Variants in NYAP2 observed in about 807,000 individuals in gnomAD.
NYAP2 encodes the protein neuronal tyrosine-phosphorylated phosphoinositide-3-kinase adaptor 2.
Under a neutral mutation model 50.4 loss-of-function variants are expected in NYAP2, and 23 were observed. The observed-to-expected ratio is 0.46, with a 90% CI of 0.33 to 0.65. The LOEUF is 0.65. Ranked by LOEUF, NYAP2 falls within the 30% of genes least tolerant of loss-of-function variation. The pLI is 0.02. For synonymous variants in NYAP2, 394 were observed against 365.2 expected (o/e 1.08, Z -0.90); for missense variants, 885 against 861.0 (o/e 1.03, Z -0.35).
At chr2:225,685,536 C>T in the NYAP2 span, among the ~76,000 whole-genome samples, 1 of 152,102 alleles carries the variant, frequency 6.6e-6, no homozygotes, top group Non-Finnish European at 1.5e-5. Flanking sequence ...AAACAATTAG[C>T]TTAATCAATT....
chr2:225,595,916 T>A (rs1692589081), intron 5 of NYAP2, among the ~76,000 whole-genome samples: 1 of 152,218 alleles, frequency 6.6e-6, no homozygotes, highest in African/African-American at 2.4e-5. Flanking sequence ...ACCCCAGAGT[T>A]ACATGAGGCT....
chr2:225,479,750 A>G (rs1333149699), intron 3 of NYAP2, among the ~76,000 whole-genome samples: 1 of 152,106 alleles, frequency 6.6e-6, no homozygotes, highest in Non-Finnish European at 1.5e-5. Flanking sequence ...GACAAACTTC[A>G]GACGATTCAG....
the NYAP2 span, among the ~76,000 whole-genome samples, chr2:225,687,115 G>A: frequency 6.6e-6 from 1 of 152,106 alleles, no homozygotes; most frequent in South Asian, 2.1e-4. Context: ...GATATATTTA[G>A]TCTTGAATTG....
At chr2:225,600,114 G>T (rs950811848) in intron 5 of NYAP2, among the ~76,000 whole-genome samples, 3 of 152,126 alleles carry the variant, frequency 2.0e-5, no homozygotes, top group Admixed American at 6.6e-5. Flanking sequence ...CAGGGATAGG[G>T]GTTTTTCAGG....
intron 3 of NYAP2, among the ~76,000 whole-genome samples, chr2:225,491,176 G>T (rs942255650): frequency 1.3e-5 from 2 of 152,178 alleles, no homozygotes; most frequent in Non-Finnish European, 2.9e-5. Context: ...GCTACAGAAG[G>T]GGAATTGCCT....
the NYAP2 span, among the ~76,000 whole-genome samples, chr2:225,667,625 T>C: frequency 5.9e-5 from 9 of 152,156 alleles, no homozygotes; most frequent in Admixed American, 2.0e-4. Flanking sequence ...TCTGATTCCC[T>C]GAGATCATCT....
rs776580178 is a variant in NYAP2 at position 225,512,839 on chromosome 2, T to C, written c.222-532T>C. ...TTTCTTTCTCTCTCTCTCTCTCTCT[T>C]TCTTTCTTTCTTTCTTCCTTCCTTC... On this transcript the variant is annotated intron_variant, in intron 3 of 6. Coordinates refer to ENST00000636099, the Ensembl canonical transcript of NYAP2. Among the ~76,000 whole-genome samples the C allele has an allele frequency of 6.8e-4, 51 of 75,522 alleles. 2 individuals carry two copies. The highest frequency in any genetic ancestry group is 2.4e-3 in the East Asian group (5 of 2,066). The allele number at this position is 75,522 out of a possible 152,430, so 49.5% of individuals were successfully genotyped here.
the NYAP2 span, among the ~76,000 whole-genome samples, chr2:225,678,399 G>A: frequency 1.3e-5 from 2 of 151,390 alleles, no homozygotes; most frequent in East Asian, 3.9e-4. Context: ...TGAACTTTTG[G>A]GTCTCAATTT....
At chr2:225,673,299 C>G in the NYAP2 span, among the ~76,000 whole-genome samples, 1 of 151,954 alleles carries the variant, frequency 6.6e-6, no homozygotes, top group South Asian at 2.1e-4. Context: ...GTTTGGAGAT[C>G]TGGTTTGAGC....
intron 6 of NYAP2, among the ~76,000 whole-genome samples, chr2:225,631,636 C>T (rs1051749641): frequency 6.6e-6 from 1 of 152,228 alleles, no homozygotes; most frequent in South Asian, 2.1e-4. Context: ...GTCTACCCTT[C>T]TACTACTTTT....
intron 4 of NYAP2, among the ~76,000 whole-genome samples, chr2:225,561,914 A>G (rs1691883911): frequency 1.3e-5 from 2 of 151,856 alleles, no homozygotes; most frequent in African/African-American, 4.8e-5. Flanking sequence ...TGTTTGCTTC[A>G]ATTCATGGCA....
chr2:225,489,857 TG>T (rs1381798675), intron 3 of NYAP2, among the ~76,000 whole-genome samples: 5 of 152,196 alleles, frequency 3.3e-5, no homozygotes, highest in Non-Finnish European at 7.3e-5. Flanking sequence ...TCTGTGGGGA[TG>T]GATTCCAGCA....
At position 225,644,130 on chromosome 2, in the gene NYAP2, G is replaced by A. The variant is rs547833478; in HGVS notation, c.1829-7302G>A. On this transcript the variant is annotated intron_variant, in intron 6 of 6. Transcript: ENST00000636099. ...GTTGTTTCCTGACTTTTTAATGATC[G>A]CCATTCTAACTGGTGTGAGATGGTA... Among the ~76,000 whole-genome samples, 640 of 151,892 alleles carry A rather than the reference G, an allele frequency of 4.2e-3. 6 individuals are homozygous for A. Among genetic ancestry groups the A allele is most frequent in the African/African-American group, 0.014 (570 of 41,338 alleles).
At chr2:225,650,054 G>T (rs572219587) in intron 6 of NYAP2, among the ~76,000 whole-genome samples, 2 of 152,316 alleles carry the variant, frequency 1.3e-5, no homozygotes, top group South Asian at 4.2e-4. Context: ...TTGTTGAATA[G>T]GTGGAAACAG....
At chr2:225,603,152 G>A (rs1354456758) in intron 5 of NYAP2, among the ~76,000 whole-genome samples, 3 of 152,064 alleles carry the variant, frequency 2.0e-5, no homozygotes, top group East Asian at 3.9e-4. Flanking sequence ...CCTTGGTTAC[G>A]TTTATGCCTA....
In NYAP2 at chr2:225,582,815, A is replaced by C. The variant is rs758865113; in HGVS notation, c.1398A>C (p.Ser466=). 6.2e-7 allele frequency: 1 copy of C among 1,613,794 alleles called. No homozygotes were observed. Among genetic ancestry groups the C allele is most frequent in the Non-Finnish European group, 8.5e-7 (1 of 1,179,844 alleles). Residue 466 remains serine (S), a synonymous_variant, in exon 5 of 7, where the codon TCA becomes TCC. Coordinates refer to ENST00000636099, the Ensembl canonical transcript of NYAP2. This position sits in a 1 kb window ranked among gnomAD's most constrained non-coding sequence, Gnocchi z 7.0. ...ACGCTGTGCATTCGGGCAGCCTCTC[A>C]AGGAGCTCTCCTTCAGTGCCTCACT...
intron 3 of NYAP2, among the ~76,000 whole-genome samples, chr2:225,428,697 G>A (rs751641952): frequency 6.6e-6 from 1 of 152,182 alleles, no homozygotes; most frequent in Non-Finnish European, 1.5e-5. Flanking sequence ...AGATTTCTGT[G>A]TATTCTGGCC....
At chr2:225,605,798 A>G (rs1191481101) in intron 5 of NYAP2, among the ~76,000 whole-genome samples, 3 of 152,100 alleles carry the variant, frequency 2.0e-5, no homozygotes, top group Non-Finnish European at 1.5e-5. Context: ...CTATTTATTT[A>G]TTTACTTCTA....
intron 4 of NYAP2, among the ~76,000 whole-genome samples, chr2:225,558,544 A>G (rs1691815400): frequency 6.6e-6 from 1 of 152,134 alleles, no homozygotes; most frequent in African/African-American, 2.4e-5. Flanking sequence ...TCTCTCTCCA[A>G]TAACAGCCAG....
Sources: gnomAD v4.1 joint callset for allele counts (sites outside exome capture counted in the v4.1 genomes callset) on GRCh38, gnomAD v4.1.1 for gene constraint, Gnocchi (gnomAD v3.1) non-coding constraint, MANE v1.5 for transcripts, NCBI Gene and HGNC (gene_info 2026-07-23, HGNC 2026-07-21) for gene names.